FBXO36: variants seen among roughly 807,000 people sequenced by gnomAD.
FBXO36 encodes the protein F-box protein 36, also known as F-box only protein 36.
Under a neutral mutation model 17.0 loss-of-function variants are expected in FBXO36, and 18 were observed. The ratio of observed to expected loss-of-function variants is 1.06; its 90% confidence interval spans 0.73 to 1.57. The LOEUF (loss-of-function observed/expected upper bound fraction) is 1.57, where lower values mean the gene tolerates loss of function less well. FBXO36 is among the 40% of genes most tolerant of loss of function. The pLI, the probability that FBXO36 is intolerant of heterozygous loss-of-function variation, is 0.00. For missense variants in FBXO36, 229 were observed against 221.9 expected, an observed-to-expected ratio of 1.03 and a Z score of -0.20; for synonymous variants, 83 against 85.3, an observed-to-expected ratio of 0.97 and a Z score of 0.15.
chr2:229,976,762 T>C (rs1399124456), intron 2 of FBXO36: 1 of 160,600 alleles, frequency 6.2e-6, no homozygotes, highest in African/African-American at 2.4e-5. Context: ...GAGGTTGCAG[T>C]GAGCTGAGAT....
rs563993328 is a variant in FBXO36, at chr2:229,960,529, C to T, written c.97-15712C>T. 2.6e-5 allele frequency among the ~76,000 whole-genome samples: 4 copies of T among 151,908 alleles called. No individual in the cohort carries two copies. In the East Asian group the frequency reaches 7.7e-4, roughly 29 times the overall value. The stretch of plus-strand genomic sequence containing the variant: ...GTGTTGGGATAGGGTGTCACTCTGT[C>T]GCCCACACAGCAGTGCACTGGTGCC... On this transcript the variant is annotated intron_variant, in intron 1 of 3. Coordinates refer to ENST00000283946, the MANE Select transcript of FBXO36 (RefSeq NM_174899.5).
At chr2:229,932,950 C>G (rs919673685) in intron 1 of FBXO36, 9 of 218,734 alleles carry the variant, frequency 4.1e-5, no homozygotes, top group Non-Finnish European at 7.8e-5. Context: ...GCCTGTAATC[C>G]CAGCTACTCA....
chr2:229,965,547 CCA>C (rs1162067566), intron 1 of FBXO36, among the ~76,000 whole-genome samples: 1 of 147,248 alleles, frequency 6.8e-6, no homozygotes, highest in African/African-American at 2.5e-5. Context: ...ACAACAGGCC[CCA>C]GTGTGTGATG....
In FBXO36 at chr2:230,011,071, C is replaced by A. The variant is rs963972774; in HGVS notation, c.*187C>A. On this transcript the variant is annotated 3_prime_UTR_variant, in exon 4 of 4. Transcript: ENST00000283946. ...CTCCCCAGTGCCTTGCTAGAGTCAC[C>A]GTCATTCTGAGGTCAAATCATGGCC... 3 of 598,162 alleles carry A rather than the reference C, an allele frequency of 5.0e-6. No individual in the cohort carries two copies. The highest frequency in any genetic ancestry group is 6.1e-5 in the East Asian group (2 of 32,604). The allele number at this position is 598,162 out of a possible 1,614,324, so 37.1% of individuals were successfully genotyped here.
intron 1 of FBXO36, among the ~76,000 whole-genome samples, chr2:229,975,287 G>A (rs1176914965): frequency 6.6e-6 from 1 of 151,940 alleles, no homozygotes; most frequent in Non-Finnish European, 1.5e-5. Flanking sequence ...TGTAACTGTT[G>A]CTCTCTGTGG....
At chr2:229,999,317 G>C (rs2077345141) in intron 3 of FBXO36, among the ~76,000 whole-genome samples, 1 of 150,388 alleles carries the variant, frequency 6.6e-6, no homozygotes, top group African/African-American at 2.4e-5. Flanking sequence ...AGTACAGACG[G>C]GGTTTCCCCG....
intron 1 of FBXO36, among the ~76,000 whole-genome samples, chr2:229,951,881 A>G (rs1316524189): frequency 6.6e-6 from 1 of 152,230 alleles, no homozygotes; most frequent in African/African-American, 2.4e-5. Context: ...GCTTAAACAC[A>G]AAGGACCCTG....
chr2:229,929,663 G>T (rs988668103), intron 1 of FBXO36, among the ~76,000 whole-genome samples: 6 of 151,750 alleles, frequency 4.0e-5, no homozygotes, highest in Admixed American at 3.9e-4. Context: ...ACGAGGTCAG[G>T]AGTTCAAGAC....
intron 1 of FBXO36, among the ~76,000 whole-genome samples, chr2:229,948,169 A>G (rs907331218): frequency 6.6e-6 from 1 of 152,214 alleles, no homozygotes; most frequent in Non-Finnish European, 1.5e-5. Flanking sequence ...AAAAATAAAC[A>G]TTTAAGAAGT....
intron 3 of FBXO36, among the ~76,000 whole-genome samples, chr2:229,999,202 C>G (rs1037625113): frequency 4.0e-5 from 6 of 148,426 alleles, no homozygotes; most frequent in Non-Finnish European, 8.9e-5. Flanking sequence ...TCTCCGCTGA[C>G]TGCAACCTCC....
chr2:229,971,616 T>C (rs1242321428), intron 1 of FBXO36, among the ~76,000 whole-genome samples: 1 of 152,148 alleles, frequency 6.6e-6, no homozygotes, highest in African/African-American at 2.4e-5. Context: ...AGGTGGGCAA[T>C]TGAATTCTCT....
rs776504024 is a variant in FBXO36, at chr2:229,996,782, AT to A, written c.239del (p.Leu80Ter). ...QTALIFGARI[L>X]DYVINLCKGK... Reference sequence around the variant, plus strand: ...CTGCCTTAATATTTGGTGCAAGAATATTAGACTATGTCATCAATTTGTGCAA... The same window carrying A: ...CTGCCTTAATATTTGGTGCAAGAATATAGACTATGTCATCAATTTGTGCAA... On this transcript the variant is annotated frameshift_variant, in exon 3 of 4. Transcript: ENST00000283946. LOFTEE classifies it high-confidence loss of function. 21 of 1,612,892 alleles carry A rather than the reference AT, an allele frequency of 1.3e-5. No homozygotes were observed. In the South Asian group the frequency reaches 2.2e-4, roughly 17 times the overall value.
intron 2 of FBXO36, 170 bp downstream of exon 2, chr2:229,976,519 T>C: frequency 1.7e-6 from 1 of 574,898 alleles, no homozygotes. Flanking sequence ...TTTTTTCTCT[T>C]GGAAAACATA....
At chr2:229,946,374 A>C (rs547366156) in intron 1 of FBXO36, among the ~76,000 whole-genome samples, 1 of 152,310 alleles carries the variant, frequency 6.6e-6, no homozygotes, top group Non-Finnish European at 1.5e-5. Flanking sequence ...CGCTTTCCCC[A>C]ATCTTTGCCT....
In FBXO36 at chr2:229,968,276, A is replaced by T. The variant is rs116478243; in HGVS notation, c.97-7965A>T. Among the ~76,000 whole-genome samples, 1,086 of 152,246 alleles carry T rather than the reference A, an allele frequency of 7.1e-3. 13 individuals are homozygous for T. The highest frequency in any genetic ancestry group is 0.024 in the African/African-American group (1,009 of 41,552). ...CTTTCAACACACAACTTACAAACCTAGTAAATTCAATTATAAATCAAATAA... is the reference window on the plus strand; with the variant it reads ...CTTTCAACACACAACTTACAAACCTTGTAAATTCAATTATAAATCAAATAA... On this transcript the variant is annotated intron_variant, in intron 1 of 3. Transcript: ENST00000283946.
chr2:229,975,801 T>G (rs1236852285), intron 1 of FBXO36, among the ~76,000 whole-genome samples: 1 of 142,174 alleles, frequency 7.0e-6, no homozygotes, highest in Non-Finnish European at 1.5e-5. Context: ...TTTATTTTAT[T>G]TTTTTTGGTG....
At chr2:229,956,493 G>A (rs1406818298) in intron 1 of FBXO36, among the ~76,000 whole-genome samples, 1 of 152,232 alleles carries the variant, frequency 6.6e-6, no homozygotes, top group Non-Finnish European at 1.5e-5. Flanking sequence ...TCACAGGGTA[G>A]AGGGAAGGAG....
intron 1 of FBXO36, among the ~76,000 whole-genome samples, chr2:229,951,952 C>T (rs766515759): frequency 3.3e-5 from 5 of 152,076 alleles, no homozygotes; most frequent in Non-Finnish European, 7.4e-5. Context: ...CGAAAGCTCT[C>T]GCCAAGTTTT....
chr2:229,950,191 C>A (rs1278268743), intron 1 of FBXO36, among the ~76,000 whole-genome samples: 1 of 151,694 alleles, frequency 6.6e-6, no homozygotes, highest in Non-Finnish European at 1.5e-5. Flanking sequence ...ACTTTGGGAG[C>A]CTGAGGTGGG....
Sources: gnomAD v4.1 joint callset for allele counts (sites outside exome capture counted in the v4.1 genomes callset) on GRCh38, gnomAD v4.1.1 for gene constraint, MANE v1.5 for transcripts, NCBI Gene and HGNC (gene_info 2026-07-23, HGNC 2026-07-21) for gene names.